The following STAG1 variants were observed in gnomAD, a reference collection of about 807,000 sequenced individuals.
The protein encoded by STAG1 is cohesin subunit SA-1.
In STAG1, 26 loss-of-function variants were observed where a neutral mutation model predicts 170.9. That is an observed-to-expected ratio of 0.15 (90% CI 0.11 to 0.21). The LOEUF is 0.21. Ranked by LOEUF, STAG1 falls within the 10% of genes least tolerant of loss-of-function variation. STAG1 has a pLI of 1.00. For synonymous variants in STAG1, 514 were observed against 497.7 expected, an observed-to-expected ratio of 1.03 and a Z score of -0.44; for missense variants, 964 against 1,509.5, an observed-to-expected ratio of 0.64 and a Z score of 5.99.
At chr3:136,708,837 G>T (rs1943300679) in intron 1 of STAG1, among the ~76,000 whole-genome samples, 1 of 151,978 alleles carries the variant, frequency 6.6e-6, no homozygotes, top group African/African-American at 2.4e-5. Context: ...AGTAAATCCT[G>T]ACAATTATTT....
Position 136,657,733 on chromosome 3 carries a change from G to A in STAG1, c.-83-26752C>T, listed in dbSNP as rs567457980. Among the ~76,000 whole-genome samples, 8 of 152,150 alleles carry A rather than the reference G, an allele frequency of 5.3e-5. No individual in the cohort carries two copies. In the South Asian group the frequency reaches 1.7e-3, roughly 32 times the overall value. ...GCTACTCCTGAGGCTTAAGTGGGAGGACTACTTGAGCCTGGAAGGCACAGG... is the reference window on the plus strand; with the variant it reads ...GCTACTCCTGAGGCTTAAGTGGGAGAACTACTTGAGCCTGGAAGGCACAGG... On this transcript the variant is annotated intron_variant, in intron 1 of 33. Coordinates refer to ENST00000383202, the MANE Select transcript of STAG1 (RefSeq NM_005862.3).
At chr3:136,538,531 G>C (rs1935751869) in intron 6 of STAG1, among the ~76,000 whole-genome samples, 1 of 151,366 alleles carries the variant, frequency 6.6e-6, no homozygotes. Flanking sequence ...CGATTCTCCT[G>C]CGTCAGCCAC....
intron 1 of STAG1, among the ~76,000 whole-genome samples, chr3:136,663,548 T>C (rs1031101287): frequency 3.3e-5 from 5 of 152,190 alleles, no homozygotes; most frequent in African/African-American, 1.2e-4. Flanking sequence ...AGACAAGCAA[T>C]CATGTTTTCA....
intron 5 of STAG1, among the ~76,000 whole-genome samples, chr3:136,555,737 G>GT (rs1936590649): frequency 6.7e-6 from 1 of 149,552 alleles, no homozygotes; most frequent in Non-Finnish European, 1.5e-5. Context: ...CAATTTAATA[G>GT]TTAAAAAAAA....
At chr3:136,525,374 T>C (rs1462350723) in intron 6 of STAG1, among the ~76,000 whole-genome samples, 1 of 152,230 alleles carries the variant, frequency 6.6e-6, no homozygotes, top group Non-Finnish European at 1.5e-5. Flanking sequence ...TTTTCTAGTT[T>C]ATTTGCGTAG....
At chr3:136,472,289 G>A in intron 12 of STAG1, 124 bp downstream of exon 12, 1 of 528,706 alleles carries the variant, frequency 1.9e-6, no homozygotes. Context: ...ACGTTAAAAT[G>A]TAAAAGTTGA....
intron 4 of STAG1, among the ~76,000 whole-genome samples, chr3:136,580,124 C>T (rs1213203042): frequency 2.0e-5 from 3 of 151,750 alleles, no homozygotes; most frequent in Non-Finnish European, 2.9e-5. Context: ...TGCACCACCA[C>T]GCACAGCTAA....
intron 1 of STAG1, among the ~76,000 whole-genome samples, chr3:136,731,049 T>C (rs1265048175): frequency 1.3e-5 from 2 of 152,206 alleles, no homozygotes; most frequent in African/African-American, 2.4e-5. Flanking sequence ...CACTGGGCTA[T>C]ATATCACAGC....
At chr3:136,443,455 C>T in intron 14 of STAG1, 51 bp from the exon 15 acceptor site, 2 of 1,223,674 alleles carry the variant, frequency 1.6e-6, no homozygotes, top group South Asian at 2.7e-5. Flanking sequence ...AAAGAAACTA[C>T]TAATACTAAT....
chr3:136,462,747 T>C (rs753124907), intron 13 of STAG1, among the ~76,000 whole-genome samples: 1 of 152,226 alleles, frequency 6.6e-6, no homozygotes, highest in Non-Finnish European at 1.5e-5. Flanking sequence ...CCATTACACA[T>C]TAGGTGCATG....
Position 136,559,124 on chromosome 3 carries a change from CCTATCTATCTAT to C in STAG1, c.394+9629_394+9640del, listed in dbSNP as rs3042748. ...ATTTAAGAAAGATAACACTGAACTA[CCTATCTATCTAT>C]CTATCTATCTATCTATCTATCTATC... On this transcript the variant is annotated intron_variant, in intron 5 of 33. Coordinates refer to ENST00000383202, the MANE Select transcript of STAG1 (RefSeq NM_005862.3). Among the ~76,000 whole-genome samples the C allele has an allele frequency of 5.5e-4, 79 of 144,102 alleles. 1 individual carries two copies. The highest frequency in any genetic ancestry group is 1.2e-3 in the African/African-American group (50 of 40,530). The allele number at this position is 144,102 out of a possible 152,430, so 94.5% of individuals were successfully genotyped here. A position where few individuals can be genotyped will look rare whatever the true frequency, so the allele number is the denominator to read the frequency against.
At chr3:136,615,798 A>G (rs1185506226) in intron 3 of STAG1, among the ~76,000 whole-genome samples, 2 of 151,956 alleles carry the variant, frequency 1.3e-5, no homozygotes, top group African/African-American at 4.8e-5. Flanking sequence ...AGAAAATGAA[A>G]AAAAAGAAAA....
At chr3:136,663,139 A>G (rs1941633810) in intron 1 of STAG1, among the ~76,000 whole-genome samples, 1 of 152,188 alleles carries the variant, frequency 6.6e-6, no homozygotes. Context: ...TACACAGCCT[A>G]TACAAAAACT....
rs958623098 is a variant in STAG1 at position 136,336,294 on chromosome 3, GAAAA to G, written c.*1956_*1959del. ...GCATCAGTTTCAAATTGTACAAAAG[GAAAA>G]AAAACCTCATATTGCAAATGTACAA... is the stretch of plus-strand genomic sequence containing the variant. On this transcript the variant is annotated 3_prime_UTR_variant, in exon 34 of 34. Transcript: ENST00000383202. 3 of 151,480 alleles carry G rather than the reference GAAAA, an allele frequency of 2.0e-5. No homozygotes were observed. The highest frequency in any genetic ancestry group is 2.9e-5 in the Non-Finnish European group (2 of 67,844). The allele number at this position is 151,480 out of a possible 1,614,324, so 9.4% of individuals were successfully genotyped here.
intron 1 of STAG1, among the ~76,000 whole-genome samples, chr3:136,735,179 G>A (rs1314311276): frequency 1.3e-5 from 2 of 150,922 alleles, no homozygotes; most frequent in Non-Finnish European, 1.5e-5. Context: ...GTGCAGTGGT[G>A]TGACCTCGGC....
At chr3:136,387,065 G>GAATAGGTA (rs2086890948) in intron 22 of STAG1, among the ~76,000 whole-genome samples, 1 of 152,100 alleles carries the variant, frequency 6.6e-6, no homozygotes, top group Admixed American at 6.6e-5. Context: ...TGCTTACCCA[G>GAATAGGTA]AATAGGCAAA....
At chr3:136,392,186 A>G (rs2087028090) in intron 22 of STAG1, among the ~76,000 whole-genome samples, 1 of 152,172 alleles carries the variant, frequency 6.6e-6, no homozygotes, top group Non-Finnish European at 1.5e-5. Context: ...AGAATATAAT[A>G]CAAGATGAAA....
chr3:136,492,110 G>T (rs2090135570), intron 9 of STAG1, among the ~76,000 whole-genome samples: 1 of 152,232 alleles, frequency 6.6e-6, no homozygotes, highest in Non-Finnish European at 1.5e-5. Context: ...ACTACTTCCA[G>T]TACGTGCAGT....
chr3:136,475,138 CTTTTTTTTTTTTT>C (rs10686674), intron 10 of STAG1, among the ~76,000 whole-genome samples: 13,622 of 77,254 alleles, frequency 0.18, 993 homozygotes, highest in Middle Eastern at 0.34. Flanking sequence ...TTATAGGTTC[CTTTTTTTTTTTTT>C]TTTTTTTTTT....
Sources: allele counts gnomAD v4.1 joint callset (sites outside exome capture counted in the v4.1 genomes callset), GRCh38; gene constraint gnomAD v4.1.1; transcripts MANE v1.5; gene names NCBI Gene and HGNC (gene_info 2026-07-23, HGNC 2026-07-21).